NLRC5: variants seen among roughly 807,000 people sequenced by gnomAD.
The protein encoded by NLRC5 is NLR family CARD domain containing 5.
In NLRC5, 114 loss-of-function variants were observed where a neutral mutation model predicts 206.9. That is an observed-to-expected ratio of 0.55 (90% CI 0.47 to 0.64). The LOEUF is 0.64. Ranked by LOEUF, NLRC5 falls within the 30% of genes least tolerant of loss-of-function variation. The probability of loss-of-function intolerance (pLI) is 0.00; values close to 1 mark genes in which losing one functional copy is unlikely to be tolerated. For missense variants in NLRC5, 2,008 were observed against 2,305.5 expected (o/e 0.87, Z 2.64); for synonymous variants, 952 against 962.8 (o/e 0.99, Z 0.21).
Position 57,041,981 on chromosome 16 carries a change from G to C in NLRC5, c.3030-1G>C. On this transcript the variant is annotated splice_acceptor_variant, in intron 18 of 48. Coordinates refer to ENST00000688547, the MANE Select transcript of NLRC5 (RefSeq NM_001384950.1). LOFTEE classifies it high-confidence loss of function. Reference sequence around the variant, plus strand: ...CTCCCCTCCCTTCTCCCCACCCCCAGCTTCTCAGGCAATGCTCTGGGGGAT... The same window carrying C: ...CTCCCCTCCCTTCTCCCCACCCCCACCTTCTCAGGCAATGCTCTGGGGGAT... 4 of 1,567,224 alleles carry C rather than the reference G, an allele frequency of 2.6e-6. No individual in the cohort carries two copies. Among genetic ancestry groups the C allele is most frequent in the Non-Finnish European group, 3.4e-6 (4 of 1,161,774 alleles).
chr16:57,008,112 GC>G (rs149042022), intron 1 of NLRC5, among the ~76,000 whole-genome samples: 8,000 of 152,036 alleles, frequency 0.053, 269 homozygotes, highest in East Asian at 0.14. Flanking sequence ...TTTCAGCCAG[GC>G]ATAGTGGCTC....
In NLRC5 at chr16:57,081,098, G is replaced by C; in HGVS notation, c.5322G>C (p.Leu1774Phe). Residue 1774 changes from leucine (L) to phenylalanine (F), a missense_variant and splice_region_variant, in exon 47 of 49, where the codon TTG becomes TTC. Transcript: ENST00000688547. ...TGACTTTGGGACCCCTACCCTGCAG[G>C]CTGTCCTGGAATCTCCTCGGGGATG... ...FTSCPALEVI[L>F]LSWNLLGDEA... is the part of the protein sequence containing the mutation. 2 of 1,548,652 alleles carry C rather than the reference G, an allele frequency of 1.3e-6. No homozygotes were observed. Among genetic ancestry groups the C allele is most frequent in the African/African-American group, 1.4e-5 (1 of 73,266 alleles).
At chr16:57,082,174 G>A (rs775721773) in intron 48 of NLRC5, among the ~76,000 whole-genome samples, 12 of 152,242 alleles carry the variant, frequency 7.9e-5, no homozygotes, top group Non-Finnish European at 1.5e-4. Flanking sequence ...GCACAAATGT[G>A]TCATATGAGT....
chr16:57,072,576 T>C (rs535469067), intron 38 of NLRC5, among the ~76,000 whole-genome samples: 6 of 152,212 alleles, frequency 3.9e-5, no homozygotes, highest in African/African-American at 1.4e-4. Context: ...ATCAAATTCT[T>C]AGAAATGCCA....
intron 30 of NLRC5, among the ~76,000 whole-genome samples, chr16:57,060,481 C>T (rs1475920486): frequency 6.6e-6 from 1 of 151,544 alleles, no homozygotes; most frequent in African/African-American, 2.4e-5. Context: ...ACACAACACA[C>T]AAACGCACCA....
At chr16:57,002,825 A>C (rs1466356387) in intron 1 of NLRC5, among the ~76,000 whole-genome samples, 2 of 151,946 alleles carry the variant, frequency 1.3e-5, no homozygotes, top group Non-Finnish European at 2.9e-5. Context: ...TTGTATTTTT[A>C]GTAGAGACAG....
chr16:57,068,655 T>C (rs1361431624), intron 36 of NLRC5, among the ~76,000 whole-genome samples: 2 of 152,218 alleles, frequency 1.3e-5, no homozygotes, highest in Non-Finnish European at 2.9e-5. Flanking sequence ...AGTAAAATTA[T>C]AAAATCCAGG....
intron 20 of NLRC5, among the ~76,000 whole-genome samples, chr16:57,044,200 G>A (rs992917327): frequency 2.6e-5 from 4 of 150,986 alleles, no homozygotes; most frequent in Non-Finnish European, 4.4e-5. Flanking sequence ...AGTGCCAGCC[G>A]CTCAGGAGTC....
intron 8 of NLRC5, 47 bp from the exon 9 acceptor site, chr16:57,029,726 G>A: frequency 6.5e-7 from 1 of 1,537,408 alleles, no homozygotes; most frequent in Non-Finnish European, 9.0e-7. Flanking sequence ...GGGCTTGCAA[G>A]TGCCCCAACC....
intron 4 of NLRC5, among the ~76,000 whole-genome samples, chr16:57,022,898 C>A (rs1407511794): frequency 6.6e-6 from 1 of 152,260 alleles, no homozygotes; most frequent in African/African-American, 2.4e-5. Context: ...ACCCTATAAC[C>A]TCAGCTCCCC....
rs193288094 is a variant in NLRC5, at chr16:56,995,665, C to T, written c.-128+6048C>T. Among the ~76,000 whole-genome samples, 181 of 152,316 alleles carry T rather than the reference C, an allele frequency of 1.2e-3. 2 individuals carry two copies. Among genetic ancestry groups the T allele is most frequent in the South Asian group, 8.3e-3 (40 of 4,822 alleles). On this transcript the variant is annotated intron_variant, in intron 1 of 48. Transcript: ENST00000688547. Reference sequence around the variant, plus strand: ...TTGTCCTGCACGGTCCCTTCTGTCCCTCCTGGTGAAATGGAAGGAGCATGC... The same window carrying T: ...TTGTCCTGCACGGTCCCTTCTGTCCTTCCTGGTGAAATGGAAGGAGCATGC...
rs1344791406 is a variant in NLRC5 at position 57,019,311 on chromosome 16, C to T, written c.-12-1390C>T. On this transcript the variant is annotated intron_variant, in intron 2 of 48. Transcript: ENST00000688547. ...ACTCGGGAGGCTGAGGCAGAAGAAT[C>T]GCTTGAACCCGGGAGGCGGAGGCTG... 3.3e-5 allele frequency among the ~76,000 whole-genome samples: 5 copies of T among 152,064 alleles called. No individual in the cohort carries two copies. In the South Asian group the frequency reaches 6.2e-4, roughly 19 times the overall value.
chr16:57,048,590 A>G (rs991518007), intron 23 of NLRC5, among the ~76,000 whole-genome samples: 5 of 152,004 alleles, frequency 3.3e-5, no homozygotes, highest in African/African-American at 1.2e-4. Flanking sequence ...CTGGAGTGCA[A>G]TGGCGTGATC....
intron 1 of NLRC5, among the ~76,000 whole-genome samples, chr16:56,998,348 C>T (rs1049332165): frequency 3.9e-5 from 6 of 152,286 alleles, no homozygotes; most frequent in South Asian, 2.1e-4. Context: ...TGTCCCCTCT[C>T]CTGCAGTAAC....
At chr16:57,050,832 GTTA>G (rs1290170547) in intron 23 of NLRC5, among the ~76,000 whole-genome samples, 2 of 152,096 alleles carry the variant, frequency 1.3e-5, no homozygotes, top group African/African-American at 4.8e-5. Flanking sequence ...ACTCCTCTGG[GTTA>G]AGGCAGCATT....
At position 57,039,840 on chromosome 16, in the gene NLRC5, C is replaced by T. The variant is rs745877336; in HGVS notation, c.2861C>T (p.Pro954Leu). 1.2e-6 allele frequency: 2 copies of T among 1,614,064 alleles called. No individual in the cohort carries two copies. The highest frequency in any genetic ancestry group is 2.2e-5 in the South Asian group (2 of 91,076). The change falls in exon 16 of 49, where the codon CCC (proline) becomes CTC (leucine). Residue 954 changes from proline (P) to leucine (L), a missense_variant. Pro to Leu is a moderately conservative substitution (Grantham distance 98, BLOSUM62 -3). Transcript: ENST00000688547. ...FAQEPEEQKG[P>L]QERAAFLDSL... Reference sequence around the variant, plus strand: ...CAGGAGCCAGAGGAGCAGAAGGGGCCCCAGGAGAGGTAGGGCCCGATTTCA... The same window carrying T: ...CAGGAGCCAGAGGAGCAGAAGGGGCTCCAGGAGAGGTAGGGCCCGATTTCA...
chr16:57,079,254 G>T lies in NLRC5; in HGVS notation c.5199G>T (p.Leu1733=). ...AAAACAACCTGGCTGGAGGGGTCCT[G>T]CGTTTCTGTATGGAGCTCCCGCTGC... The part of the protein sequence containing the change: ...LAENNLAGGV[L]RFCMELPLLR... Residue 1733 remains leucine (L), a synonymous_variant, in exon 45 of 49, where the codon CTG becomes CTT. Coordinates refer to ENST00000688547, the MANE Select transcript of NLRC5 (RefSeq NM_001384950.1). The T allele has an allele frequency of 6.2e-7, 1 of 1,613,682 alleles. No homozygotes were observed. Among genetic ancestry groups the T allele is most frequent in the Non-Finnish European group, 8.5e-7 (1 of 1,180,020 alleles).
In NLRC5 at chr16:57,077,648, AC is replaced by A. The variant is rs1312628679; in HGVS notation, c.4920-68del. 1.3e-5 allele frequency: 18 copies of A among 1,438,592 alleles called. No homozygotes were observed. In the African/African-American group the frequency reaches 2.3e-4, roughly 18 times the overall value. The allele number at this position is 1,438,592 out of a possible 1,614,324, so 89.1% of individuals were successfully genotyped here. A position where few individuals can be genotyped will look rare whatever the true frequency, so the allele number is the denominator to read the frequency against. On this transcript the variant is annotated intron_variant, in intron 41 of 48. Coordinates refer to ENST00000688547, the MANE Select transcript of NLRC5 (RefSeq NM_001384950.1). ...AGGCCCCCTGAAGCAGGGGTGGCAG[AC>A]CCAGCAGATGTGCTGGGGTGTCGGG... is the stretch of plus-strand genomic sequence containing the variant.
chr16:57,080,882 C>T (rs111321705), intron 46 of NLRC5: 21 of 539,986 alleles, frequency 3.9e-5, no homozygotes, highest in African/African-American at 1.3e-4. Flanking sequence ...TTGTGAACAA[C>T]GTCATGATTC....
Sources: gnomAD v4.1 joint callset for allele counts (sites outside exome capture counted in the v4.1 genomes callset) on GRCh38, gnomAD v4.1.1 for gene constraint, MANE v1.5 for transcripts, NCBI Gene and HGNC (gene_info 2026-07-23, HGNC 2026-07-21) for gene names.